The following KLF7 variants were observed in gnomAD, a reference collection of about 807,000 sequenced individuals.
The protein encoded by KLF7 is Krueppel-like factor 7.
KLF7 carries 2 observed loss-of-function variants against 27.3 expected under a neutral mutation model. The ratio of observed to expected loss-of-function variants is 0.07; its 90% CI spans 0.03 to 0.23. The LOEUF (loss-of-function observed/expected upper bound fraction) is 0.23, where lower values mean the gene tolerates loss of function less well. Ranked by LOEUF, KLF7 falls within the 10% of genes least tolerant of loss-of-function variation. The pLI, the probability that KLF7 is intolerant of heterozygous loss-of-function variation, is 1.00. For missense variants in KLF7, 221 were observed against 394.1 expected, an observed-to-expected ratio of 0.56 and a Z score of 3.72; for synonymous variants, 165 against 162.4, an observed-to-expected ratio of 1.02 and a Z score of -0.12.
chr2:207,129,846 A>G (rs1431013477), intron 1 of KLF7, among the ~76,000 whole-genome samples: 1 of 152,196 alleles, frequency 6.6e-6, no homozygotes, highest in Non-Finnish European at 1.5e-5. Context: ...TTTGTTGCTC[A>G]GAGGCAGAAT....
At chr2:207,119,753 G>A (rs2077286122) in intron 2 of KLF7, among the ~76,000 whole-genome samples, 2 of 152,082 alleles carry the variant, frequency 1.3e-5, no homozygotes, top group Non-Finnish European at 2.9e-5. Flanking sequence ...ACCCAGGCTG[G>A]AGTGCAGTGA....
intron 2 of KLF7, among the ~76,000 whole-genome samples, chr2:207,099,306 C>CT (rs750168941): frequency 7.9e-5 from 12 of 151,816 alleles, no homozygotes; most frequent in Non-Finnish European, 1.3e-4. Context: ...GACTGTGTGT[C>CT]TGTGAACCAC....
At chr2:207,152,023 G>A (rs2078260677) in intron 1 of KLF7, among the ~76,000 whole-genome samples, 1 of 152,126 alleles carries the variant, frequency 6.6e-6, no homozygotes, top group Non-Finnish European at 1.5e-5. Context: ...AGAAAAGGAA[G>A]GCCAAGTGCC....
intron 2 of KLF7, chr2:207,109,850 T>C (rs1238148487): frequency 1.3e-5 from 2 of 154,876 alleles, no homozygotes; most frequent in East Asian, 3.9e-4. Flanking sequence ...ATCCAAAACA[T>C]GGCACTTAGC....
upstream of KLF7, among the ~76,000 whole-genome samples, chr2:207,167,942 G>A (rs896058464): frequency 2.0e-5 from 3 of 152,196 alleles, no homozygotes; most frequent in Non-Finnish European, 4.4e-5. Flanking sequence ...ACCTTTAGGA[G>A]AATATACTAT....
chr2:207,119,411 GAAACTATTAA>G (rs2077274974), intron 2 of KLF7, among the ~76,000 whole-genome samples: 1 of 84,858 alleles, frequency 1.2e-5, no homozygotes, highest in Non-Finnish European at 2.4e-5. Context: ...TTTTTACATA[GAAACTATTAA>G]GATTTTTAAA....
chr2:207,148,948 G>T, intron 1 of KLF7: 1 of 926,888 alleles, frequency 1.1e-6, no homozygotes, highest in Non-Finnish European at 1.3e-6. Context: ...CTAAATTCTT[G>T]GTGCCCTTAA....
chr2:207,144,482 T>G (rs2078040695), intron 1 of KLF7, among the ~76,000 whole-genome samples: 1 of 152,280 alleles, frequency 6.6e-6, no homozygotes, highest in Non-Finnish European at 1.5e-5. Context: ...AACCCTATCC[T>G]TGTGTTCCTT....
chr2:207,145,216 A>G (rs1429973920), intron 1 of KLF7, among the ~76,000 whole-genome samples: 1 of 152,262 alleles, frequency 6.6e-6, no homozygotes, highest in Non-Finnish European at 1.5e-5. Context: ...AGGCTCAGTC[A>G]AAATCTCTTA....
intron 2 of KLF7, among the ~76,000 whole-genome samples, chr2:207,120,657 G>A (rs562743130): frequency 2.0e-5 from 3 of 152,040 alleles, no homozygotes; most frequent in Non-Finnish European, 4.4e-5. Context: ...TCCAACCAGC[G>A]CCCATTTTTA....
In KLF7 at chr2:207,076,938, C is replaced by T. The variant is rs1383430796; in HGVS notation, c.*4275G>A. On this transcript the variant is annotated 3_prime_UTR_variant, in exon 4 of 4. Transcript: ENST00000309446. ...AATGTTCTGGGTGCAAAATTGTAGC[C>T]AGAAATGCTGGCCCTCTTAAGATTT... The T allele has an allele frequency of 6.6e-6, 1 of 152,094 alleles. No individual in the cohort carries two copies. The highest frequency in any genetic ancestry group is 1.9e-4 in the East Asian group (1 of 5,190). The allele number at this position is 152,094 out of a possible 1,614,324, so 9.4% of individuals were successfully genotyped here.
upstream of KLF7, chr2:207,166,173 A>C (rs2078702273): frequency 1.0e-6 from 1 of 985,354 alleles, no homozygotes; most frequent in South Asian, 4.7e-5. Context: ...GAGGGCGTCC[A>C]TTAGGCCGCG....
chr2:207,158,125 C>G (rs909893663), intron 1 of KLF7, among the ~76,000 whole-genome samples: 14 of 152,090 alleles, frequency 9.2e-5, no homozygotes, highest in African/African-American at 3.4e-4. Flanking sequence ...AGATTTTAAC[C>G]TCTAAGATGT....
intron 1 of KLF7, among the ~76,000 whole-genome samples, chr2:207,139,470 T>G (rs1377974316): frequency 6.7e-6 from 1 of 149,528 alleles, no homozygotes; most frequent in African/African-American, 2.5e-5. Context: ...ACGAAAAGTT[T>G]CTTGGCCACT....
chr2:207,096,878 C>A (rs1383397416), intron 2 of KLF7, among the ~76,000 whole-genome samples: 2 of 152,220 alleles, frequency 1.3e-5, no homozygotes, highest in African/African-American at 4.8e-5. Flanking sequence ...TTAAATTGTT[C>A]TCATCCCCTA....
rs2078493326 is a variant in KLF7, at chr2:207,159,897, G to C, written c.102+5570C>G. Among the ~76,000 whole-genome samples the C allele has an allele frequency of 3.3e-5, 5 of 152,220 alleles. No homozygotes were observed. The South Asian group carries it at 1.0e-3, about 32-fold the overall frequency. On this transcript the variant is annotated intron_variant, in intron 1 of 3. Transcript: ENST00000309446. ...AAATACCCCGAGAAGGAAAACTAAA[G>C]GGATGTAGGGTGGTAGAAATAATTC...
chr2:207,168,433 G>A (rs1356532927), upstream of KLF7, among the ~76,000 whole-genome samples: 1 of 152,168 alleles, frequency 6.6e-6, no homozygotes. Context: ...TACTAAGTAA[G>A]TTGGTCAAGG....
intron 1 of KLF7, among the ~76,000 whole-genome samples, chr2:207,145,106 G>A (rs765509906): frequency 5.9e-5 from 9 of 152,184 alleles, no homozygotes; most frequent in Non-Finnish European, 1.3e-4. Context: ...TTGTAAAAAC[G>A]AATTGCCACC....
At chr2:207,164,188 C>T (rs1292338327) in intron 1 of KLF7, among the ~76,000 whole-genome samples, 2 of 152,244 alleles carry the variant, frequency 1.3e-5, no homozygotes, top group Admixed American at 6.5e-5. Context: ...GAGACTGTTA[C>T]ATCTCAGCCT....
Sources: gnomAD v4.1 joint callset for allele counts (sites outside exome capture counted in the v4.1 genomes callset) on GRCh38, gnomAD v4.1.1 for gene constraint, MANE v1.5 for transcripts, NCBI Gene and HGNC (gene_info 2026-07-23, HGNC 2026-07-21) for gene names.